DENND5B: variants seen among roughly 807,000 people sequenced by gnomAD.
The protein encoded by DENND5B is DENN domain-containing protein 5B.
In DENND5B, 34 loss-of-function variants were observed where a neutral mutation model predicts 140.6. That is an observed-to-expected ratio of 0.24 (90% CI 0.18 to 0.32). The LOEUF (loss-of-function observed/expected upper bound fraction) is 0.32. Among genes scored for constraint, DENND5B ranks in the 10% least tolerant of loss-of-function variants. The pLI, the probability that DENND5B is intolerant of heterozygous loss-of-function variation, is 1.00. For missense variants in DENND5B, 1,142 were observed against 1,560.2 expected, an observed-to-expected ratio of 0.73 and a Z score of 4.52; for synonymous variants, 551 against 562.1, an observed-to-expected ratio of 0.98 and a Z score of 0.28.
chr12:31,495,405 G>A (rs1946721539), intron 2 of DENND5B, among the ~76,000 whole-genome samples: 1 of 11,860 alleles, frequency 8.4e-5, no homozygotes, highest in African/African-American at 6.2e-4. Flanking sequence ...TTGAGACAGA[G>A]TCTCGCTCTG....
intron 10 of DENND5B, 90 bp downstream of exon 10, chr12:31,424,444 AT>A (rs34764768): frequency 1.8e-4 from 234 of 1,274,176 alleles, no homozygotes; most frequent in Admixed American, 4.1e-4. Flanking sequence ...AAAAGAGCCT[AT>A]TTTTTTTTAA....
At chr12:31,561,825 T>C (rs1209171412) in intron 1 of DENND5B, among the ~76,000 whole-genome samples, 1 of 152,174 alleles carries the variant, frequency 6.6e-6, no homozygotes, top group African/African-American at 2.4e-5. Context: ...ATCAAACACA[T>C]GAGCATTTTT....
At chr12:31,464,159 C>G (rs1285234273) in intron 3 of DENND5B, among the ~76,000 whole-genome samples, 6 of 152,138 alleles carry the variant, frequency 3.9e-5, no homozygotes, top group Non-Finnish European at 8.8e-5. Flanking sequence ...TTAAGACAGG[C>G]CTCAGCAAGG....
intron 10 of DENND5B, 76 bp downstream of exon 10, chr12:31,424,459 C>A: frequency 7.0e-7 from 1 of 1,422,580 alleles, no homozygotes; most frequent in Non-Finnish European, 9.3e-7. Context: ...TTTTTAATGA[C>A]ATATTTGTCT....
intron 1 of DENND5B, among the ~76,000 whole-genome samples, chr12:31,497,237 C>T (rs1150943): frequency 0.82 from 124,257 of 152,200 alleles, 51,053 homozygotes; most frequent in African/African-American, 0.9. Flanking sequence ...AATTTAAATA[C>T]ATTTGCTTAG....
chr12:31,442,118 T>C (rs541005040), intron 7 of DENND5B, among the ~76,000 whole-genome samples: 4 of 152,364 alleles, frequency 2.6e-5, no homozygotes, highest in African/African-American at 9.6e-5. Context: ...TATATCTTGC[T>C]ACCCAAAGTA....
At chr12:31,435,270 G>A (rs962231654) in intron 7 of DENND5B, among the ~76,000 whole-genome samples, 2 of 152,068 alleles carry the variant, frequency 1.3e-5, no homozygotes, top group African/African-American at 4.8e-5. Flanking sequence ...AGGTACCCTT[G>A]CCTCCTTCTT....
intron 1 of DENND5B, among the ~76,000 whole-genome samples, chr12:31,554,413 G>C (rs1379007671): frequency 2.0e-5 from 3 of 152,178 alleles, no homozygotes; most frequent in African/African-American, 7.2e-5. Context: ...CTGGCTTGTA[G>C]AATTTCTGCC....
chr12:31,505,444 C>G (rs897747714), intron 1 of DENND5B, among the ~76,000 whole-genome samples: 1 of 152,036 alleles, frequency 6.6e-6, no homozygotes, highest in African/African-American at 2.4e-5. Context: ...ATTATTTTGG[C>G]CAGGCTGGTC....
intron 1 of DENND5B, among the ~76,000 whole-genome samples, chr12:31,548,405 G>GAA (rs1487872470): frequency 0.014 from 1,334 of 94,006 alleles, 25 homozygotes; most frequent in African/African-American, 0.049. Context: ...AAAAAAAGAA[G>GAA]AAGAAAAAAA....
intron 11 of DENND5B, among the ~76,000 whole-genome samples, chr12:31,418,623 T>A (rs1381568753): frequency 1.3e-5 from 2 of 152,020 alleles, no homozygotes; most frequent in African/African-American, 4.8e-5. Context: ...CAAAGTGAGA[T>A]GGCTCAGAGA....
At chr12:31,416,875 G>A (rs1418584482) in intron 11 of DENND5B, among the ~76,000 whole-genome samples, 1 of 149,810 alleles carries the variant, frequency 6.7e-6, no homozygotes, top group East Asian at 2.0e-4. Context: ...ATATGGGTTT[G>A]GACAATGGGA....
At chr12:31,435,204 C>T (rs576242263) in intron 7 of DENND5B, among the ~76,000 whole-genome samples, 1 of 152,104 alleles carries the variant, frequency 6.6e-6, no homozygotes, top group Non-Finnish European at 1.5e-5. Context: ...ACTTCACCTG[C>T]CTTTTATCAA....
chr12:31,538,593 G>A (rs372827872), intron 1 of DENND5B, among the ~76,000 whole-genome samples: 21 of 152,250 alleles, frequency 1.4e-4, no homozygotes, highest in East Asian at 1.2e-3. Flanking sequence ...CAGGCCAGGC[G>A]CAGTGGCTCA....
intron 7 of DENND5B, among the ~76,000 whole-genome samples, chr12:31,435,342 G>A (rs985096759): frequency 1.3e-5 from 2 of 151,666 alleles, no homozygotes; most frequent in African/African-American, 4.8e-5. Context: ...TAATCTCAAA[G>A]TATAAAATAC....
intron 1 of DENND5B, chr12:31,534,942 C>T (rs1234368964): frequency 1.7e-5 from 5 of 288,060 alleles, no homozygotes; most frequent in East Asian, 2.6e-4. Flanking sequence ...GGTGTGGCGG[C>T]GTGTGCCTGT....
intron 1 of DENND5B, among the ~76,000 whole-genome samples, chr12:31,574,143 G>A (rs917035251): frequency 2.0e-5 from 3 of 151,202 alleles, no homozygotes; most frequent in Admixed American, 1.3e-4. Flanking sequence ...TGTGCCTGTG[G>A]TCCCAGCTAC....
At chr12:31,465,346 C>T (rs993751463) in intron 3 of DENND5B, 3 of 152,492 alleles carry the variant, frequency 2.0e-5, no homozygotes, top group East Asian at 1.9e-4. Context: ...GATTATACAC[C>T]TATGATCCTG....
At position 31,452,061 on chromosome 12, in the gene DENND5B, C is replaced by T. The variant is rs768268391; in HGVS notation, c.1508G>A (p.Arg503Gln). 1.2e-6 allele frequency: 2 copies of T among 1,613,934 alleles called. No individual in the cohort carries two copies. The highest frequency in any genetic ancestry group is 1.7e-6 in the Non-Finnish European group (2 of 1,179,886). The part of the protein sequence containing the change: ...LRDYQLNVQL[R>Q]EVFANRFTQM... ...TGTAAAACGGTTAGCAAAGACCTCT[C>T]GGAGCTGTACATTGAGCTGGTAGTC... Residue 503 changes from arginine to glutamine, a missense_variant, in exon 5 of 21, where the codon CGA becomes CAA. Around this residue, in one of 5 missense-constraint regions of DENND5B, gnomAD observed 708 missense variants for 905.5 expected, o/e 0.78. Transcript: ENST00000389082.
Sources: allele counts gnomAD v4.1 joint callset (sites outside exome capture counted in the v4.1 genomes callset), GRCh38; gene constraint gnomAD v4.1.1; regional missense constraint gnomAD v4.1.1; transcripts MANE v1.5; gene names NCBI Gene and HGNC (gene_info 2026-07-23, HGNC 2026-07-21).